The following TMEM268 variants were observed in gnomAD, a reference collection of about 807,000 sequenced individuals.
TMEM268 encodes the protein transmembrane protein C9orf91.
A neutral mutation model predicts 39.1 loss-of-function variants in TMEM268; 24 were observed. The observed-to-expected ratio is 0.61, with a 90% CI of 0.44 to 0.86. The LOEUF (loss-of-function observed/expected upper bound fraction) is 0.86, where lower values mean the gene tolerates loss of function less well. Among genes scored for constraint, TMEM268 ranks in the 40% least tolerant of loss-of-function variants. The pLI, the probability that TMEM268 is intolerant of heterozygous loss-of-function variation, is 0.00. For missense variants in TMEM268, 409 were observed against 428.6 expected (o/e 0.95, Z 0.40); for synonymous variants, 176 against 173.5 (o/e 1.01, Z -0.12).
the TMEM268 span, among the ~76,000 whole-genome samples, chr9:114,605,098 T>G: frequency 6.6e-6 from 1 of 152,236 alleles, no homozygotes; most frequent in East Asian, 1.9e-4. Context: ...TGGTCTTTAT[T>G]GTACTCAAGA....
At chr9:114,617,329 C>A in intron 2 of TMEM268, 28 bp downstream of exon 2, 2 of 1,535,810 alleles carry the variant, frequency 1.3e-6, no homozygotes, top group Non-Finnish European at 1.8e-6. Flanking sequence ...CATTTTCCAC[C>A]TTCTTTCTAC....
At chr9:114,609,505 CAAAACAAAAACA>C (rs564027021), upstream of TMEM268, among the ~76,000 whole-genome samples, 8 of 151,234 alleles carry the variant, frequency 5.3e-5, no homozygotes, top group East Asian at 2.0e-4. Flanking sequence ...CCTGCATCTA[CAAAACAAAAACA>C]AAAACAAAAA....
At chr9:114,616,991 A>C in intron 1 of TMEM268, 127 bp from the exon 2 acceptor site, 1 of 479,572 alleles carries the variant, frequency 2.1e-6, no homozygotes, top group Non-Finnish European at 3.8e-6. Flanking sequence ...AAAAAGGCCA[A>C]AGTTGGCAAA....
rs772531072 is a variant in TMEM268 at position 114,626,964 on chromosome 9, T to C, written c.282T>C (p.Tyr94=). 5 of 1,613,666 alleles carry C rather than the reference T, an allele frequency of 3.1e-6. No individual in the cohort carries two copies. Among genetic ancestry groups the C allele is most frequent in the Admixed American group, 3.3e-5 (2 of 60,024 alleles). ...SALLEPQVRR[Y]IIYNSRPMRL... ...TCTTGGAGCCCCAAGTGAGAAGATA[T>C]ATCATCTACAACTCGAGGCCTATGC... The change falls in exon 4 of 9, where the codon TAT becomes TAC. Residue 94 remains tyrosine, a synonymous_variant. Transcript: ENST00000288502.
In TMEM268 at chr9:114,628,733, T is replaced by C. The variant is rs1846267231; in HGVS notation, c.474+483T>C. On this transcript the variant is annotated intron_variant, in intron 5 of 8. Transcript: ENST00000288502. ...ATGTCTCTAATCCCAGCAATGACCT[T>C]TGAGGCAAGGTGGGTGGTCCGAGAG... Among the ~76,000 whole-genome samples the C allele has an allele frequency of 1.3e-5, 2 of 152,128 alleles. 1 individual carries two copies. Among genetic ancestry groups the C allele is most frequent in the South Asian group, 4.1e-4 (2 of 4,832 alleles).
In TMEM268 at chr9:114,639,996, C is replaced by T. The variant is rs1391896006; in HGVS notation, c.849+1270C>T. ...AACTCCTGAGCTCAAGCGATCCACCCGCTTCATCCTCCCAAAGTGTTAGGA... is the reference window on the plus strand; with the variant it reads ...AACTCCTGAGCTCAAGCGATCCACCTGCTTCATCCTCCCAAAGTGTTAGGA... On this transcript the variant is annotated intron_variant, in intron 8 of 8. Transcript: ENST00000288502. Among the ~76,000 whole-genome samples, 7 of 150,686 alleles carry T rather than the reference C, an allele frequency of 4.6e-5. No individual in the cohort carries two copies. In the South Asian group the frequency reaches 8.4e-4, roughly 18 times the overall value.
In TMEM268 at chr9:114,628,221, G is replaced by A. The variant is rs1846242055; in HGVS notation, c.445G>A (p.Val149Met). ...CGCGGTGAGCCTGACCTTGACTCTT[G>A]TGCTGGTCTTTGAAAGACACCAGAA... The part of the protein sequence containing the change: ...LAAVSLTLTL[V>M]LVFERHQKKA... Residue 149 changes from valine to methionine, a missense_variant, in exon 5 of 9, where the codon GTG becomes ATG. Transcript: ENST00000288502. 2 of 1,614,144 alleles carry A rather than the reference G, an allele frequency of 1.2e-6. No individual in the cohort carries two copies. Among genetic ancestry groups the A allele is most frequent in the Non-Finnish European group, 1.7e-6 (2 of 1,180,036 alleles).
At position 114,643,619 on chromosome 9, in the gene TMEM268, T is replaced by G; in HGVS notation, c.*306T>G. ...CACGTATGGAAAGACTGGACCCCCA[T>G]TGCTTTCATTGTTCAGAGAACCCAG... On this transcript the variant is annotated 3_prime_UTR_variant, in exon 9 of 9. Transcript: ENST00000288502. The G allele has an allele frequency of 4.0e-6, 1 of 252,808 alleles. No individual in the cohort carries two copies. The highest frequency in any genetic ancestry group is 7.6e-6 in the Non-Finnish European group (1 of 131,366). The allele number at this position is 252,808 out of a possible 1,614,324, so 15.7% of individuals were successfully genotyped here. A position where few individuals can be genotyped will look rare whatever the true frequency, so the allele number is the denominator to read the frequency against.
At chr9:114,620,617 CAAAT>C (rs1244224001) in intron 2 of TMEM268, among the ~76,000 whole-genome samples, 2 of 152,104 alleles carry the variant, frequency 1.3e-5, no homozygotes, top group East Asian at 3.9e-4. Context: ...GGTAAAAACA[CAAAT>C]AAATCAATGT....
At chr9:114,609,372 C>T (rs992993295), upstream of TMEM268, among the ~76,000 whole-genome samples, 10 of 151,314 alleles carry the variant, frequency 6.6e-5, no homozygotes, top group African/African-American at 1.9e-4. Context: ...CTCAGCACAT[C>T]TACTTATAGA....
At chr9:114,605,223 T>A in the TMEM268 span, among the ~76,000 whole-genome samples, 1 of 152,234 alleles carries the variant, frequency 6.6e-6, no homozygotes, top group Non-Finnish European at 1.5e-5. Flanking sequence ...CCCTTGAGGG[T>A]CATTCTGGCA....
intron 1 of TMEM268, among the ~76,000 whole-genome samples, chr9:114,616,371 T>G (rs1389277072): frequency 1.0e-5 from 1 of 99,566 alleles, no homozygotes; most frequent in African/African-American, 3.0e-5. Flanking sequence ...GTTTTTGTTT[T>G]TGTTTTTGTT....
chr9:114,632,719 C>T (rs1298315701), intron 5 of TMEM268, among the ~76,000 whole-genome samples: 2 of 152,158 alleles, frequency 1.3e-5, no homozygotes, highest in Non-Finnish European at 2.9e-5. Flanking sequence ...CAGATCAAAC[C>T]CATTTGATCT....
rs3810935 is a variant in TMEM268 at position 114,633,957 on chromosome 9, C to G, written c.585+79C>G. On this transcript the variant is annotated intron_variant, in intron 6 of 8. Coordinates refer to ENST00000288502, the MANE Select transcript of TMEM268 (RefSeq NM_153045.4). ...ATGGAGAGCAGTGGCCTCATGTTCTCCCAGCCTACACAGTGTTTGCAGTAG... is the reference window on the plus strand; with the variant it reads ...ATGGAGAGCAGTGGCCTCATGTTCTGCCAGCCTACACAGTGTTTGCAGTAG... 9.9e-5 allele frequency: 76 copies of G among 766,580 alleles called. No individual in the cohort carries two copies. In the African/African-American group the frequency reaches 1.3e-3, roughly 13 times the overall value. 47.5% of individuals were successfully genotyped at this position (766,580 alleles called of 1,614,324 possible). A position where few individuals can be genotyped will look rare whatever the true frequency, so the allele number is the denominator to read the frequency against.
intron 8 of TMEM268, among the ~76,000 whole-genome samples, chr9:114,639,264 T>G (rs923897494): frequency 9.9e-5 from 15 of 152,106 alleles, no homozygotes; most frequent in Non-Finnish European, 4.4e-5. Context: ...GTCTCCTGAG[T>G]AGTTGGGACT....
intron 7 of TMEM268, 83 bp downstream of exon 7, chr9:114,637,153 G>A: frequency 3.2e-6 from 3 of 931,562 alleles, no homozygotes; most frequent in South Asian, 2.9e-5. Context: ...GTGGGAAAAT[G>A]TCTGAGAAAA....
chr9:114,607,588 G>A (rs573472195), upstream of TMEM268, among the ~76,000 whole-genome samples: 3 of 152,300 alleles, frequency 2.0e-5, no homozygotes, highest in East Asian at 5.8e-4. Flanking sequence ...CTAGGAGGTC[G>A]GGGCTGCAGT....
chr9:114,607,713 C>T (rs1845385549), upstream of TMEM268, among the ~76,000 whole-genome samples: 1 of 152,014 alleles, frequency 6.6e-6, no homozygotes, highest in South Asian at 2.1e-4. Context: ...TGAGAATGAA[C>T]TATGAGAATG....
chr9:114,632,140 C>T (rs1000082685), intron 5 of TMEM268, among the ~76,000 whole-genome samples: 3 of 149,656 alleles, frequency 2.0e-5, no homozygotes, highest in South Asian at 2.1e-4. Flanking sequence ...TAAATGTAAA[C>T]TGGAGTTAGG....
Sources: allele counts gnomAD v4.1 joint callset (sites outside exome capture counted in the v4.1 genomes callset), GRCh38; gene constraint gnomAD v4.1.1; transcripts MANE v1.5; gene names NCBI Gene and HGNC (gene_info 2026-07-23, HGNC 2026-07-21).